Variants in DENND1B observed in about 807,000 individuals in gnomAD.
DENND1B encodes DENN domain containing 1B, also known as DENN domain-containing protein 1B.
A neutral mutation model predicts 90.1 loss-of-function variants in DENND1B; 59 were observed. That is an observed-to-expected ratio of 0.65 (90% CI 0.53 to 0.81). DENND1B has a LOEUF of 0.81. Ranked by LOEUF, DENND1B falls within the 40% of genes least tolerant of loss-of-function variation. DENND1B has a pLI of 0.00. For missense variants in DENND1B, 862 were observed against 912.6 expected, an observed-to-expected ratio of 0.94 and a Z score of 0.71; for synonymous variants, 337 against 324.6, an observed-to-expected ratio of 1.04 and a Z score of -0.41.
At chr1:197,595,093 G>T in intron 14 of DENND1B, 115 bp downstream of exon 14, 1 of 1,329,394 alleles carries the variant, frequency 7.5e-7, no homozygotes, top group South Asian at 1.6e-5. Context: ...GATCTTAAAA[G>T]ATTTCCATGA....
intron 13 of DENND1B, among the ~76,000 whole-genome samples, chr1:197,604,397 A>G (rs946936257): frequency 2.0e-5 from 3 of 151,284 alleles, no homozygotes; most frequent in African/African-American, 4.8e-5. Context: ...TATTTCTAAC[A>G]GTCAATAAAT....
chr1:197,591,531 G>C (rs1270509327), intron 14 of DENND1B, among the ~76,000 whole-genome samples: 1 of 152,094 alleles, frequency 6.6e-6, no homozygotes, highest in Non-Finnish European at 1.5e-5. Flanking sequence ...AGAGCATTAA[G>C]ACAAAGAAGG....
chr1:197,640,932 C>A (rs1680218708), intron 10 of DENND1B, among the ~76,000 whole-genome samples: 5 of 152,166 alleles, frequency 3.3e-5, no homozygotes, highest in African/African-American at 4.8e-5. Context: ...CATAGCAAGA[C>A]CCTGTCTCAA....
intron 16 of DENND1B, chr1:197,552,607 G>T: frequency 2.0e-6 from 2 of 990,706 alleles, no homozygotes; most frequent in Non-Finnish European, 1.2e-6. Context: ...AAGAATTTTG[G>T]TGTTCAGACC....
chr1:197,663,675 G>A lies in DENND1B; in HGVS notation c.297-5306C>T, dbSNP rs545439985. Among the ~76,000 whole-genome samples the A allele has an allele frequency of 7.2e-5, 11 of 152,156 alleles. No homozygotes were observed. The South Asian group carries it at 2.1e-3, about 29-fold the overall frequency. Reference sequence around the variant, plus strand: ...TTTCACTGTGCAACAAATTCCTAGGGCTGAGTTGTGGCTTCTGTCTTTGAG... The same window carrying A: ...TTTCACTGTGCAACAAATTCCTAGGACTGAGTTGTGGCTTCTGTCTTTGAG... On this transcript the variant is annotated intron_variant, in intron 5 of 22. Transcript: ENST00000620048.
At chr1:197,687,261 C>A (rs733876) in intron 3 of DENND1B, among the ~76,000 whole-genome samples, 4,420 of 152,212 alleles carry the variant, frequency 0.029, 230 homozygotes, top group African/African-American at 0.1. Context: ...CTAATAGCTA[C>A]TTTGTGGTGT....
chr1:197,675,452 C>T, intron 3 of DENND1B, among the ~76,000 whole-genome samples: 1 of 151,546 alleles, frequency 6.6e-6, no homozygotes. Context: ...AAAAAAAAAT[C>T]ATCTACTCTT....
chr1:197,656,815 T>TA (rs968140424), intron 6 of DENND1B, among the ~76,000 whole-genome samples: 95 of 147,248 alleles, frequency 6.5e-4, no homozygotes, highest in African/African-American at 1.9e-3. Context: ...AAAAAAAATT[T>TA]AAAAAAAAAA....
At chr1:197,777,616 G>C (rs1415783818), upstream of DENND1B, among the ~76,000 whole-genome samples, 1 of 152,108 alleles carries the variant, frequency 6.6e-6, no homozygotes, top group African/African-American at 2.4e-5. Context: ...CCATATGACT[G>C]ATAGAGAAGT....
chr1:197,590,765 A>T (rs1361618734), intron 14 of DENND1B, among the ~76,000 whole-genome samples: 1 of 152,142 alleles, frequency 6.6e-6, no homozygotes, highest in Non-Finnish European at 1.5e-5. Context: ...GTTCCCCAGT[A>T]CTCCTGTCTT....
intron 5 of DENND1B, among the ~76,000 whole-genome samples, chr1:197,660,543 GTGAATGAACAGCACAA>G (rs1263163907): frequency 6.6e-6 from 1 of 151,902 alleles, no homozygotes; most frequent in Non-Finnish European, 1.5e-5. Flanking sequence ...GAAAGAATGA[GTGAATGAACAGCACAA>G]AGAATGTTCC....
intron 11 of DENND1B, among the ~76,000 whole-genome samples, chr1:197,612,547 C>T (rs1677276775): frequency 6.6e-6 from 1 of 150,594 alleles, no homozygotes; most frequent in Non-Finnish European, 1.5e-5. Context: ...AAGGAAACAA[C>T]TTCCTCACCT....
chr1:197,577,968 A>C (rs1489091158), intron 15 of DENND1B, among the ~76,000 whole-genome samples: 2 of 152,230 alleles, frequency 1.3e-5, no homozygotes, highest in East Asian at 3.8e-4. Context: ...ACGTATAAAC[A>C]TTAAAAATAT....
chr1:197,595,338 A>G lies in DENND1B; in HGVS notation c.922-5T>C. On this transcript the variant is annotated splice_polypyrimidine_tract_variant and splice_region_variant and intron_variant, in intron 13 of 22. Transcript: ENST00000620048. ...TTTATTTTTCAAGGCCGAGACCTGCATGACAGAGAGGAACAGTTAAATTAA... is the reference window on the plus strand; with the variant it reads ...TTTATTTTTCAAGGCCGAGACCTGCGTGACAGAGAGGAACAGTTAAATTAA... 1.2e-6 allele frequency: 2 copies of G among 1,611,256 alleles called. No individual in the cohort carries two copies.
intron 4 of DENND1B, among the ~76,000 whole-genome samples, chr1:197,673,463 A>G (rs1383797896): frequency 1.3e-5 from 2 of 152,062 alleles, no homozygotes; most frequent in African/African-American, 4.8e-5. Context: ...AAAACCCTTC[A>G]TGTCACCCTC....
Position 197,653,725 on chromosome 1 carries a change from C to A in DENND1B, c.367-1410G>T, listed in dbSNP as rs904956012. Among the ~76,000 whole-genome samples, 6 of 151,512 alleles carry A rather than the reference C, an allele frequency of 4.0e-5. No homozygotes were observed. In the South Asian group the frequency reaches 8.3e-4, roughly 21 times the overall value. ...TTTTCTTTTATGTATTCCAGTATTACTGATGGTTTCAGGAAAAAAAAAGAT... is the reference window on the plus strand; with the variant it reads ...TTTTCTTTTATGTATTCCAGTATTAATGATGGTTTCAGGAAAAAAAAAGAT... On this transcript the variant is annotated intron_variant, in intron 6 of 22. Transcript: ENST00000620048.
chr1:197,728,100 T>C (rs1661817890), intron 2 of DENND1B, among the ~76,000 whole-genome samples: 1 of 152,218 alleles, frequency 6.6e-6, no homozygotes, highest in African/African-American at 2.4e-5. Flanking sequence ...TTCTCAACCC[T>C]TTCTGTTCAT....
chr1:197,775,168 G>C lies in DENND1B; in HGVS notation c.-13C>G. The C allele has an allele frequency of 7.7e-7, 1 of 1,290,852 alleles. No individual in the cohort carries two copies. Among genetic ancestry groups the C allele is most frequent in the Non-Finnish European group, 9.9e-7 (1 of 1,012,624 alleles). The allele number at this position is 1,290,852 out of a possible 1,614,324, so 80.0% of individuals were successfully genotyped here. A position where few individuals can be genotyped will look rare whatever the true frequency, so the allele number is the denominator to read the frequency against. On this transcript the variant is annotated 5_prime_UTR_variant, in exon 1 of 23. Transcript: ENST00000620048. ...TCCTGCAGTCCATGGTTACATGTCGGTGTGGGGCTGTCCGTCCGGCCCCCG... is the reference window on the plus strand; with the variant it reads ...TCCTGCAGTCCATGGTTACATGTCGCTGTGGGGCTGTCCGTCCGGCCCCCG...
intron 10 of DENND1B, among the ~76,000 whole-genome samples, chr1:197,640,831 G>A (rs1680207599): frequency 6.6e-6 from 1 of 152,076 alleles, no homozygotes; most frequent in African/African-American, 2.4e-5. Flanking sequence ...ACTGAGTTGG[G>A]CACAGCGGCG....
Sources: gnomAD v4.1 joint callset for allele counts (sites outside exome capture counted in the v4.1 genomes callset) on GRCh38, gnomAD v4.1.1 for gene constraint, MANE v1.5 for transcripts, NCBI Gene and HGNC (gene_info 2026-07-23, HGNC 2026-07-21) for gene names.